The following CACNA2D3 variants were observed in gnomAD, a reference collection of about 807,000 sequenced individuals.
The protein encoded by CACNA2D3 is calcium voltage-gated channel auxiliary subunit alpha2delta 3.
CACNA2D3 carries 60 observed loss-of-function variants against 160.6 expected under a neutral mutation model. The observed-to-expected ratio is 0.37, with a 90% CI of 0.30 to 0.46. CACNA2D3 has a LOEUF of 0.46. Among genes scored for constraint, CACNA2D3 ranks in the 20% least tolerant of loss-of-function variants. The probability of loss-of-function intolerance (pLI) is 1.00; values close to 1 mark genes in which losing one functional copy is unlikely to be tolerated. For synonymous variants in CACNA2D3, 558 were observed against 492.9 expected (o/e 1.13, Z -1.75); for missense variants, 1,205 against 1,365.0 (o/e 0.88, Z 1.85).
chr3:54,244,306 T>G lies in CACNA2D3; in HGVS notation c.205-76136T>G, dbSNP rs75582585. Among the ~76,000 whole-genome samples the G allele has an allele frequency of 4.9e-3, 747 of 152,324 alleles. 11 individuals are homozygous for G. Among genetic ancestry groups the G allele is most frequent in the East Asian group, 0.046 (240 of 5,188 alleles). On this transcript the variant is annotated intron_variant, in intron 2 of 37. Transcript: ENST00000474759. ...CTGAGGAACTGCAAGCAGCTGGTGT[T>G]GGAGGTGATCTTGAAAAAGGACATT...
chr3:54,510,387 C>T (rs75037107), intron 5 of CACNA2D3, among the ~76,000 whole-genome samples: 3,834 of 152,294 alleles, frequency 0.025, 84 homozygotes, highest in Non-Finnish European at 0.034. Flanking sequence ...TGGGGACCAC[C>T]ATTCTCCAAG....
intron 17 of CACNA2D3, among the ~76,000 whole-genome samples, chr3:54,855,268 A>T (rs1167400856): frequency 2.0e-5 from 3 of 152,134 alleles, no homozygotes; most frequent in African/African-American, 7.2e-5. Flanking sequence ...CCCCCTCTAA[A>T]GCTTCATAAG....
intron 11 of CACNA2D3, among the ~76,000 whole-genome samples, chr3:54,693,021 TA>T (rs34722563): frequency 0.83 from 123,751 of 149,500 alleles, 52,362 homozygotes; most frequent in Non-Finnish European, 0.92. Flanking sequence ...CAGCAAAATG[TA>T]AAAAAAAAAC....
At chr3:54,588,333 A>G (rs888839858) in intron 9 of CACNA2D3, among the ~76,000 whole-genome samples, 2 of 152,210 alleles carry the variant, frequency 1.3e-5, no homozygotes, top group African/African-American at 2.4e-5. Context: ...ATTGATAGAG[A>G]CCATCTACAG....
At chr3:54,878,706 C>G (rs949000809) in intron 18 of CACNA2D3, 3 of 231,840 alleles carry the variant, frequency 1.3e-5, no homozygotes, top group Non-Finnish European at 2.5e-5. Context: ...CAGAGACGTT[C>G]TTGCTCGGCA....
chr3:54,515,466 A>C (rs762986052), intron 5 of CACNA2D3, among the ~76,000 whole-genome samples: 2 of 152,212 alleles, frequency 1.3e-5, no homozygotes, highest in African/African-American at 4.8e-5. Context: ...ATACGCCTGC[A>C]TGTAAATTGT....
Position 55,018,238 on chromosome 3 carries a change from G to A in CACNA2D3, c.2908G>A (p.Asp970Asn). ...QKLKQTLEPCDTEYPAFVSER... is the reference protein window; with the variant it reads ...QKLKQTLEPCNTEYPAFVSER... ...ATTGAAACAGACCCTGGAGCCTTGT[G>A]ATACTGAATATCCAGCATTCGTCTC... The change falls in exon 35 of 38, where the codon GAT (aspartate) becomes AAT (asparagine). Residue 970 changes from aspartate (D) to asparagine (N), a missense_variant. Physicochemically the swap from Asp to Asn is conservative, Grantham distance 23. Transcript: ENST00000474759. 6.2e-7 allele frequency: 1 copy of A among 1,613,012 alleles called. No individual in the cohort carries two copies.
chr3:54,351,099 A>G (rs947505319), intron 3 of CACNA2D3, among the ~76,000 whole-genome samples: 5 of 147,974 alleles, frequency 3.4e-5, no homozygotes, highest in Non-Finnish European at 7.4e-5. Context: ...CTCCTGCCTC[A>G]GCTTCTCAAG....
At chr3:54,544,304 G>A (rs996224224) in intron 5 of CACNA2D3, among the ~76,000 whole-genome samples, 3 of 150,734 alleles carry the variant, frequency 2.0e-5, no homozygotes, top group Non-Finnish European at 3.0e-5. Flanking sequence ...GTGGGTTACT[G>A]TTTTGAAACA....
chr3:54,818,327 T>C (rs1266920379), intron 14 of CACNA2D3, among the ~76,000 whole-genome samples: 1 of 152,052 alleles, frequency 6.6e-6, no homozygotes, highest in East Asian at 1.9e-4. Flanking sequence ...GGGACAGACA[T>C]GCGCCACCGC....
intron 9 of CACNA2D3, among the ~76,000 whole-genome samples, chr3:54,623,744 A>G (rs1353202640): frequency 6.6e-6 from 1 of 152,248 alleles, no homozygotes; most frequent in Non-Finnish European, 1.5e-5. Context: ...GCCACTAGCC[A>G]CATGTGGCTA....
chr3:54,474,575 C>T (rs567155422), intron 4 of CACNA2D3, among the ~76,000 whole-genome samples: 112 of 151,668 alleles, frequency 7.4e-4, no homozygotes, highest in African/African-American at 2.6e-3. Flanking sequence ...TATAGTAGAC[C>T]ACCTGGCATG....
chr3:54,419,731 C>G (rs1176537999), intron 4 of CACNA2D3, among the ~76,000 whole-genome samples: 1 of 152,158 alleles, frequency 6.6e-6, no homozygotes, highest in Non-Finnish European at 1.5e-5. Flanking sequence ...TTAGCACTTA[C>G]AGATGTCTGG....
intron 6 of CACNA2D3, among the ~76,000 whole-genome samples, chr3:54,567,827 G>T (rs1702432944): frequency 6.6e-6 from 1 of 152,218 alleles, no homozygotes; most frequent in African/African-American, 2.4e-5. Flanking sequence ...ACTGTGCCTG[G>T]CTGGAGATGG....
chr3:55,063,755 G>A (rs1051588977), intron 35 of CACNA2D3, among the ~76,000 whole-genome samples: 2 of 152,110 alleles, frequency 1.3e-5, no homozygotes, highest in Admixed American at 1.3e-4. Context: ...GTGGAAAGGT[G>A]TAAAAAGAGG....
chr3:54,324,479 C>G (rs1175642087), intron 3 of CACNA2D3, among the ~76,000 whole-genome samples: 1 of 152,092 alleles, frequency 6.6e-6, no homozygotes, highest in Non-Finnish European at 1.5e-5. Flanking sequence ...TCAGTAATTT[C>G]CATTAACATA....
At chr3:54,165,610 A>AG (rs1343500913) in intron 2 of CACNA2D3, among the ~76,000 whole-genome samples, 1 of 128,408 alleles carries the variant, frequency 7.8e-6, no homozygotes, top group Non-Finnish European at 1.7e-5. Flanking sequence ...TAAAAAAAAA[A>AG]AAAAAAAAAG....
At chr3:54,175,573 A>G (rs1400785023) in intron 2 of CACNA2D3, among the ~76,000 whole-genome samples, 2 of 147,446 alleles carry the variant, frequency 1.4e-5, no homozygotes, top group Middle Eastern at 3.5e-3. Context: ...AGGTTGCGAC[A>G]CTGCACTCCA....
chr3:54,629,531 A>G (rs1699189293), intron 10 of CACNA2D3, among the ~76,000 whole-genome samples: 1 of 152,278 alleles, frequency 6.6e-6, no homozygotes, highest in Non-Finnish European at 1.5e-5. Context: ...CCTCAGTACA[A>G]ATCCAAAGCC....
Sources: gnomAD v4.1 joint callset for allele counts (sites outside exome capture counted in the v4.1 genomes callset) on GRCh38, gnomAD v4.1.1 for gene constraint, MANE v1.5 for transcripts, NCBI Gene and HGNC (gene_info 2026-07-23, HGNC 2026-07-21) for gene names.